The following OTUD7A variants were observed in gnomAD, a reference collection of about 807,000 sequenced individuals.
OTUD7A encodes OTU domain-containing protein 7A.
In OTUD7A, 12 loss-of-function variants were observed where a neutral mutation model predicts 65.7. The ratio of observed to expected loss-of-function variants is 0.18; its 90% CI spans 0.12 to 0.30. OTUD7A has a LOEUF of 0.30. Among genes scored for constraint, OTUD7A ranks in the 10% least tolerant of loss-of-function variants. The pLI, the probability that OTUD7A is intolerant of heterozygous loss-of-function variation, is 1.00. For synonymous variants in OTUD7A, 641 were observed against 586.3 expected, an observed-to-expected ratio of 1.09 and a Z score of -1.35; for missense variants, 1,148 against 1,304.8, an observed-to-expected ratio of 0.88 and a Z score of 1.85.
chr15:31,821,824 T>A (rs915407238), intron 1 of OTUD7A, among the ~76,000 whole-genome samples: 2 of 152,248 alleles, frequency 1.3e-5, no homozygotes, highest in African/African-American at 2.4e-5. Flanking sequence ...TGTAAAGTGC[T>A]GTCTCATTCT....
At chr15:31,812,929 A>G (rs1896457902) in intron 1 of OTUD7A, among the ~76,000 whole-genome samples, 1 of 152,204 alleles carries the variant, frequency 6.6e-6, no homozygotes, top group African/African-American at 2.4e-5. Flanking sequence ...TTCTAAGGGC[A>G]CTAAGCTCCG....
At chr15:31,689,627 T>G (rs886155762) in intron 1 of OTUD7A, 12 of 152,248 alleles carry the variant, frequency 7.9e-5, no homozygotes, top group African/African-American at 2.9e-4. Context: ...ATATTTAACA[T>G]GCATTTGAAA....
chr15:31,723,844 C>T (rs1259378416), intron 1 of OTUD7A, among the ~76,000 whole-genome samples: 3 of 68,210 alleles, frequency 4.4e-5, no homozygotes, highest in African/African-American at 1.2e-4. Flanking sequence ...AGACAGAGAC[C>T]GCCATATTGT....
At chr15:31,583,520 G>T (rs933344393) in intron 3 of OTUD7A, among the ~76,000 whole-genome samples, 3 of 151,968 alleles carry the variant, frequency 2.0e-5, no homozygotes, top group African/African-American at 7.3e-5. Flanking sequence ...ATTGAATCAT[G>T]GGGGTGGTTT....
At chr15:31,582,119 T>C (rs914513129) in intron 3 of OTUD7A, among the ~76,000 whole-genome samples, 5 of 152,142 alleles carry the variant, frequency 3.3e-5, no homozygotes, top group African/African-American at 1.2e-4. Flanking sequence ...TCCACAAATC[T>C]CTAGTGCACG....
chr15:31,695,659 G>C (rs963459404), intron 1 of OTUD7A, among the ~76,000 whole-genome samples: 1 of 152,224 alleles, frequency 6.6e-6, no homozygotes, highest in Non-Finnish European at 1.5e-5. Context: ...ATCTGAAACA[G>C]GAGACAGACC....
chr15:31,610,152 T>C (rs1330229028), intron 3 of OTUD7A, among the ~76,000 whole-genome samples: 1 of 152,210 alleles, frequency 6.6e-6, no homozygotes, highest in Non-Finnish European at 1.5e-5. Flanking sequence ...CAGAAGTAGC[T>C]GTTCTTATAT....
At chr15:31,766,030 T>C (rs1173501374) in intron 1 of OTUD7A, 27 of 1,558,782 alleles carry the variant, frequency 1.7e-5, no homozygotes, top group Middle Eastern at 4.3e-4. Context: ...TATGAGTAAG[T>C]TGGCAAAGGA....
chr15:31,525,971 A>G (rs1238554860), intron 8 of OTUD7A, among the ~76,000 whole-genome samples: 3 of 152,214 alleles, frequency 2.0e-5, no homozygotes, highest in African/African-American at 7.2e-5. Context: ...GGTTCGTGCG[A>G]TGGCAATGTG....
chr15:31,727,419 CT>C, intron 1 of OTUD7A, among the ~76,000 whole-genome samples: 2 of 152,030 alleles, frequency 1.3e-5, no homozygotes, highest in African/African-American at 2.4e-5. Context: ...ATCCACCCTC[CT>C]TTTTTTCCCC....
At chr15:31,800,715 G>A (rs114109323) in intron 1 of OTUD7A, among the ~76,000 whole-genome samples, 69 of 152,330 alleles carry the variant, frequency 4.5e-4, no homozygotes, top group African/African-American at 1.6e-3. Context: ...AGAAGGAGAC[G>A]CAGGGAAGGT....
chr15:31,813,672 T>C (rs1418734152), intron 1 of OTUD7A, among the ~76,000 whole-genome samples: 2 of 152,254 alleles, frequency 1.3e-5, no homozygotes, highest in Non-Finnish European at 2.9e-5. Context: ...GTACATAACA[T>C]TCAAGCTTAT....
chr15:31,791,113 G>T (rs572715075), intron 1 of OTUD7A, among the ~76,000 whole-genome samples: 112 of 152,162 alleles, frequency 7.4e-4, no homozygotes, highest in African/African-American at 2.6e-3. Context: ...TGCAACCTCC[G>T]CATCCTGGGT....
chr15:31,490,895 C>T lies in OTUD7A; in HGVS notation c.1172-3329G>A, dbSNP rs528650903. Among the ~76,000 whole-genome samples, 163 of 152,230 alleles carry T rather than the reference C, an allele frequency of 1.1e-3. 1 individual carries two copies. The highest frequency in any genetic ancestry group is 3.6e-3 in the African/African-American group (150 of 41,524). ...GTGCACTAAGGGTCATCTTCTGTTA[C>T]TCTGATTAAGCATCTGTCTTAGGCA... On this transcript the variant is annotated intron_variant, in intron 10 of 12. Transcript: ENST00000307050.
At chr15:31,527,101 G>C in intron 7 of OTUD7A, 80 bp downstream of exon 7, 1 of 1,570,624 alleles carries the variant, frequency 6.4e-7, no homozygotes, top group Admixed American at 1.8e-5. Flanking sequence ...GGGCCTGGAG[G>C]CCATGCTGTG....
chr15:31,619,389 A>G (rs913913951), intron 3 of OTUD7A, among the ~76,000 whole-genome samples: 2 of 152,164 alleles, frequency 1.3e-5, no homozygotes, highest in African/African-American at 4.8e-5. Flanking sequence ...GACGATATTG[A>G]TTCTTCCTAT....
At chr15:31,524,797 T>C (rs2041988331) in intron 8 of OTUD7A, among the ~76,000 whole-genome samples, 1 of 152,198 alleles carries the variant, frequency 6.6e-6, no homozygotes, top group Non-Finnish European at 1.5e-5. Flanking sequence ...TAAAGGGACC[T>C]AATCCTTTTG....
intron 3 of OTUD7A, among the ~76,000 whole-genome samples, chr15:31,635,531 G>A (rs981671073): frequency 2.0e-5 from 3 of 152,352 alleles, no homozygotes; most frequent in South Asian, 2.1e-4. Context: ...CTGCCTTGCC[G>A]CTGCACTGAG....
intron 1 of OTUD7A, among the ~76,000 whole-genome samples, chr15:31,779,453 C>A (rs929873425): frequency 1.3e-5 from 2 of 152,226 alleles, no homozygotes; most frequent in African/African-American, 2.4e-5. Flanking sequence ...TTAGAACTAT[C>A]TTGGTGTAAT....
Sources: gnomAD v4.1 joint callset for allele counts (sites outside exome capture counted in the v4.1 genomes callset) on GRCh38, gnomAD v4.1.1 for gene constraint, MANE v1.5 for transcripts, NCBI Gene and HGNC (gene_info 2026-07-23, HGNC 2026-07-21) for gene names.